The following ACTL6B variants were observed in gnomAD, a reference collection of about 807,000 sequenced individuals.
ACTL6B encodes the protein actin like 6B.
ACTL6B carries 48 observed loss-of-function variants against 63.3 expected under a neutral mutation model. That is an observed-to-expected ratio of 0.76 (90% confidence interval 0.60 to 0.96). The LOEUF (loss-of-function observed/expected upper bound fraction) is 0.96. Ranked by LOEUF, ACTL6B falls within the 50% of genes least tolerant of loss-of-function variation. ACTL6B has a pLI of 0.00. For synonymous variants in ACTL6B, 230 were observed against 223.8 expected (o/e 1.03, Z -0.25); for missense variants, 350 against 572.2 (o/e 0.61, Z 3.96).
At position 100,655,161 on chromosome 7, in the gene ACTL6B, G is replaced by A; in HGVS notation, c.269-42C>T. 1 of 1,529,998 alleles carries A rather than the reference G, an allele frequency of 6.5e-7. No homozygotes were observed. The highest frequency in any genetic ancestry group is 9.0e-7 in the Non-Finnish European group (1 of 1,105,120). The allele number at this position is 1,529,998 out of a possible 1,614,324, so 94.8% of individuals were successfully genotyped here. ...AGCGTGCAGAGACGCAAGAAGGCAGGCAGGGGACAGGGACAGGAAGAAAAG... is the reference window on the plus strand; with the variant it reads ...AGCGTGCAGAGACGCAAGAAGGCAGACAGGGGACAGGGACAGGAAGAAAAG... On this transcript the variant is annotated intron_variant, in intron 3 of 13. Coordinates refer to ENST00000160382, the MANE Select transcript of ACTL6B (RefSeq NM_016188.5). The surrounding 1 kb of genome is among the most constrained non-coding windows in gnomAD (Gnocchi z 4.4).
chr7:100,643,371 A>G, intron 13 of ACTL6B, 45 bp from the exon 14 acceptor site: 1 of 1,598,926 alleles, frequency 6.3e-7, no homozygotes, highest in East Asian at 2.2e-5. Flanking sequence ...CCTTGGAGGG[A>G]GGTGTGGACA....
chr7:100,643,359 G>A lies in ACTL6B; in HGVS notation c.1201-33C>T, dbSNP rs142156985. ...GAGGGGGTAATATCAGGGTCAGGGTGGCCTTGGAGGGAGGTGTGGACAGGC... is the reference window on the plus strand; with the variant it reads ...GAGGGGGTAATATCAGGGTCAGGGTAGCCTTGGAGGGAGGTGTGGACAGGC... On this transcript the variant is annotated intron_variant, in intron 13 of 13. Coordinates refer to ENST00000160382, the MANE Select transcript of ACTL6B (RefSeq NM_016188.5). The A allele has an allele frequency of 4.0e-4, 644 of 1,609,862 alleles. 2 individuals carry two copies. The highest frequency in any genetic ancestry group is 1.2e-3 in the Middle Eastern group (6 of 5,104).
At position 100,655,639 on chromosome 7, in the gene ACTL6B, C is replaced by T. The variant is rs1355603798; in HGVS notation, c.103-53G>A. ...GGCAGGGAGAGAGGTCACCCTCTTG[C>T]CCCTGTCCAGCCCCACAGCAGGGTC... On this transcript the variant is annotated intron_variant, in intron 2 of 13. Transcript: ENST00000160382. This position sits in a 1 kb window ranked among gnomAD's most constrained non-coding sequence, Gnocchi z 4.4. The T allele has an allele frequency of 6.4e-7, 1 of 1,574,632 alleles. No homozygotes were observed. The highest frequency in any genetic ancestry group is 2.3e-5 in the East Asian group (1 of 44,440).
intron 5 of ACTL6B, 102 bp downstream of exon 5, chr7:100,649,936 T>C (rs1803903337): frequency 3.8e-6 from 4 of 1,062,162 alleles, no homozygotes; most frequent in Non-Finnish European, 1.4e-6. Context: ...GACACTGATC[T>C]TCAGAGAACC....
At chr7:100,656,179 G>C in intron 1 of ACTL6B, 151 bp downstream of exon 1, 1 of 986,246 alleles carries the variant, frequency 1.0e-6, no homozygotes, top group South Asian at 2.4e-5. Flanking sequence ...CGTCTGGGGA[G>C]GACCGAGCGC....
chr7:100,650,949 G>A (rs1377720303), intron 4 of ACTL6B, among the ~76,000 whole-genome samples: 3 of 152,122 alleles, frequency 2.0e-5, no homozygotes, highest in Non-Finnish European at 4.4e-5. Flanking sequence ...AAAGACATAT[G>A]TTTTCAGAAT....
In ACTL6B at chr7:100,648,840, A is replaced by C; in HGVS notation, c.468-17T>G. On this transcript the variant is annotated splice_polypyrimidine_tract_variant and intron_variant, in intron 5 of 13. Coordinates refer to ENST00000160382, the MANE Select transcript of ACTL6B (RefSeq NM_016188.5). This position sits in a 1 kb window ranked among gnomAD's most constrained non-coding sequence, Gnocchi z 4.4. The stretch of plus-strand genomic sequence containing the variant: ...TTTGCAAAGCTGGCATCGGATGGGT[A>C]AGTCAAAGAGACAGCAGCAGCAAGT... 3 of 1,611,046 alleles carry C rather than the reference A, an allele frequency of 1.9e-6. No individual in the cohort carries two copies. Among genetic ancestry groups the C allele is most frequent in the Non-Finnish European group, 2.5e-6 (3 of 1,178,890 alleles).
intron 4 of ACTL6B, among the ~76,000 whole-genome samples, chr7:100,652,216 G>A (rs186915685): frequency 6.6e-6 from 1 of 151,876 alleles, no homozygotes; most frequent in East Asian, 1.9e-4. Context: ...GGCTAACACG[G>A]TGAAACCCCG....
chr7:100,654,035 C>T (rs1803991338), intron 4 of ACTL6B, among the ~76,000 whole-genome samples: 1 of 151,082 alleles, frequency 6.6e-6, no homozygotes, highest in Non-Finnish European at 1.5e-5. Flanking sequence ...TGCAGTGGTG[C>T]GATCTCAGCT....
In ACTL6B at chr7:100,655,744, G is replaced by C; in HGVS notation, c.102+59C>G. 1 of 1,536,788 alleles carries C rather than the reference G, an allele frequency of 6.5e-7. No homozygotes were observed. Among genetic ancestry groups the C allele is most frequent in the Non-Finnish European group, 8.8e-7 (1 of 1,138,864 alleles). On this transcript the variant is annotated intron_variant, in intron 2 of 13. Transcript: ENST00000160382. The surrounding 1 kb of genome is among the most constrained non-coding windows in gnomAD (Gnocchi z 4.4). The stretch of plus-strand genomic sequence containing the variant: ...GATCTGGGAGAGCCCTGGGTCACTG[G>C]AAAGCCTGAAGAAGGGTCCGAAGCC...
chr7:100,646,654 C>T lies in ACTL6B; in HGVS notation c.1018-8G>A. 1 of 1,614,042 alleles carries T rather than the reference C, an allele frequency of 6.2e-7. No individual in the cohort carries two copies. The highest frequency in any genetic ancestry group is 1.6e-4 in the Middle Eastern group (1 of 6,062). ...GACACTCCCGTACAGGCCCTGAGAG[C>T]AGGGAGAAGGAGTGAGCTGCGGGGG... is the stretch of plus-strand genomic sequence containing the variant. On this transcript the variant is annotated splice_region_variant and splice_polypyrimidine_tract_variant and intron_variant, in intron 11 of 13. Transcript: ENST00000160382. This position sits in a 1 kb window ranked among gnomAD's most constrained non-coding sequence, Gnocchi z 6.1.
chr7:100,649,500 G>A (rs1259303420), intron 5 of ACTL6B, among the ~76,000 whole-genome samples: 3 of 152,004 alleles, frequency 2.0e-5, no homozygotes, highest in Non-Finnish European at 4.4e-5. Flanking sequence ...CTTTTGCCAT[G>A]TTGGCCGGAC....
In ACTL6B at chr7:100,648,557, T is replaced by A; in HGVS notation, c.668A>T (p.Lys223Met). 6.2e-7 allele frequency: 1 copy of A among 1,600,132 alleles called. No individual in the cohort carries two copies. Among genetic ancestry groups the A allele is most frequent in the Non-Finnish European group, 8.5e-7 (1 of 1,172,288 alleles). ...GCTCCATGTCCCCAGAGGCCCCACC[T>A]TGGCTGCGATCATGTAAGGTGGGAT... is the stretch of plus-strand genomic sequence containing the variant. ...DIIPPYMIAAKEPVREGAPPN... is the reference protein window; with the variant it reads ...DIIPPYMIAAMEPVREGAPPN... The change falls in exon 7 of 14, where the codon AAG becomes ATG. Residue 223 changes from lysine to methionine, a missense_variant and splice_region_variant. Lys to Met is a moderately conservative substitution (Grantham distance 95). Coordinates refer to ENST00000160382, the MANE Select transcript of ACTL6B (RefSeq NM_016188.5). This position sits in a 1 kb window ranked among gnomAD's most constrained non-coding sequence, Gnocchi z 4.4.
In ACTL6B at chr7:100,655,293, G is replaced by A. The variant is rs1438366302; in HGVS notation, c.268+128C>T. On this transcript the variant is annotated intron_variant, in intron 3 of 13. Coordinates refer to ENST00000160382, the MANE Select transcript of ACTL6B (RefSeq NM_016188.5). The surrounding 1 kb of genome is among the most constrained non-coding windows in gnomAD (Gnocchi z 4.4). ...CCCTGGGAAGGGAACCCAGCGAGAA[G>A]AACCCTGGCAGCCAGAAGAACCCTG... The A allele has an allele frequency of 1.5e-6, 2 of 1,299,816 alleles. No individual in the cohort carries two copies. Among genetic ancestry groups the A allele is most frequent in the Non-Finnish European group, 1.1e-6 (1 of 936,740 alleles). The allele number at this position is 1,299,816 out of a possible 1,614,324, so 80.5% of individuals were successfully genotyped here.
At chr7:100,643,939 G>A (rs531103041) in intron 13 of ACTL6B, among the ~76,000 whole-genome samples, 2 of 151,410 alleles carry the variant, frequency 1.3e-5, no homozygotes, top group African/African-American at 4.9e-5. Context: ...TTGCTCTGTC[G>A]CCCAGGCTGG....
rs1562848623 is a variant in ACTL6B at position 100,647,523 on chromosome 7, C to T, written c.680G>A (p.Arg227Gln). ...PYMIAAKEPV[R>Q]EGAPPNWKKK... ...CTTCCAGTTTGGGGGGGCACCCTCC[C>T]GGACAGGCTCCTGTGGGGGCACAGT... is the stretch of plus-strand genomic sequence containing the variant. The change falls in exon 8 of 14, where the codon CGG (arginine) becomes CAG (glutamine). Residue 227 changes from arginine (R) to glutamine (Q), a missense_variant. By Grantham distance (43) the Arg-to-Gln change is conservative. This residue lies in a region of ACTL6B where 250 missense variants were observed against 364.7 expected (regional missense o/e 0.69). Transcript: ENST00000160382. This position sits in a 1 kb window ranked among gnomAD's most constrained non-coding sequence, Gnocchi z 4.4. 1.2e-6 allele frequency: 2 copies of T among 1,600,352 alleles called. No individual in the cohort carries two copies. Among genetic ancestry groups the T allele is most frequent in the Non-Finnish European group, 1.7e-6 (2 of 1,173,400 alleles).
At chr7:100,645,041 G>C (rs1335034196) in intron 13 of ACTL6B, among the ~76,000 whole-genome samples, 1 of 152,092 alleles carries the variant, frequency 6.6e-6, no homozygotes, top group Non-Finnish European at 1.5e-5. Flanking sequence ...GGGCGACAGT[G>C]AGACTGTCTC....
Position 100,646,509 on chromosome 7 carries a change from A to AGGACGGGTGTCCAGGGCTCTGGGG in ACTL6B, c.1113+41_1113+42insCCCCAGAGCCCTGGACACCCGTCC, listed in dbSNP as rs760634708. On this transcript the variant is annotated intron_variant, in intron 12 of 13. Transcript: ENST00000160382. This position sits in a 1 kb window ranked among gnomAD's most constrained non-coding sequence, Gnocchi z 6.1. Reference sequence around the variant, plus strand: ...GGACTCAGTCCTGGACAGCTGAGCCAGGACGGGTGTCCAGGGCTCTGGGTC... The same window carrying AGGACGGGTGTCCAGGGCTCTGGGG: ...GGACTCAGTCCTGGACAGCTGAGCCAGGACGGGTGTCCAGGGCTCTGGGGGGACGGGTGTCCAGGGCTCTGGGTC... 1 of 1,597,560 alleles carries AGGACGGGTGTCCAGGGCTCTGGGG rather than the reference A, an allele frequency of 6.3e-7. No homozygotes were observed. The highest frequency in any genetic ancestry group is 8.6e-7 in the Non-Finnish European group (1 of 1,165,212).
Position 100,646,696 on chromosome 7 carries a change from T to G in ACTL6B, c.1018-50A>C, listed in dbSNP as rs1188136773. 15 of 1,607,102 alleles carry G rather than the reference T, an allele frequency of 9.3e-6. No homozygotes were observed. Among genetic ancestry groups the G allele is most frequent in the Non-Finnish European group, 1.3e-5 (15 of 1,174,874 alleles). ...CTGCGGGGGCAGCCCCCCAACCCCG[T>G]CTCCCCACTTCCCCTGGGCCCCTTT... On this transcript the variant is annotated intron_variant, in intron 11 of 13. Coordinates refer to ENST00000160382, the MANE Select transcript of ACTL6B (RefSeq NM_016188.5). The surrounding 1 kb of genome is among the most constrained non-coding windows in gnomAD (Gnocchi z 6.1).
Sources: gnomAD v4.1 joint callset for allele counts (sites outside exome capture counted in the v4.1 genomes callset) on GRCh38, gnomAD v4.1.1 for gene constraint, gnomAD v4.1.1 regional missense constraint, Gnocchi (gnomAD v3.1) non-coding constraint, MANE v1.5 for transcripts, NCBI Gene and HGNC (gene_info 2026-07-23, HGNC 2026-07-21) for gene names.